Variants in ZNF606 observed in about 807,000 individuals in gnomAD.
ZNF606 encodes zinc finger protein 606, also known as zinc finger protein 328.
Under a neutral mutation model 74.9 loss-of-function variants are expected in ZNF606, and 37 were observed. The observed-to-expected ratio is 0.49, with a 90% CI of 0.38 to 0.65. The LOEUF is 0.65. Among genes scored for constraint, ZNF606 ranks in the 30% least tolerant of loss-of-function variants. ZNF606 has a pLI of 0.00. For synonymous variants in ZNF606, 328 were observed against 312.4 expected (o/e 1.05, Z -0.53); for missense variants, 852 against 952.9 (o/e 0.89, Z 1.39).
rs535512870 is a variant in ZNF606, at chr19:58,002,711, C to G, written c.-367G>C. On this transcript the variant is annotated 5_prime_UTR_variant, in exon 1 of 7. Coordinates refer to ENST00000551380, the MANE Select transcript of ZNF606 (RefSeq NM_001348022.3). ...AGGACCCACCCTGACGCCGCCTCTC[C>G]CAGCCGGCTCTCCTGACCCCCCAAG... 2.2e-6 allele frequency: 1 copy of G among 451,078 alleles called. No individual in the cohort carries two copies. Among genetic ancestry groups the G allele is most frequent in the South Asian group, 1.6e-5 (1 of 64,432 alleles). 27.9% of individuals were successfully genotyped at this position (451,078 alleles called of 1,614,324 possible).
Position 58,002,439 on chromosome 19 carries a change from A to C in ZNF606, c.-95T>G, listed in dbSNP as rs4801243. 94,542 of 455,460 alleles carry C rather than the reference A, an allele frequency of 0.21. 10,401 individuals are homozygous for C. Among genetic ancestry groups the C allele is most frequent in the Non-Finnish European group, 0.23 (52,092 of 226,308 alleles). 28.2% of individuals were successfully genotyped at this position (455,460 alleles called of 1,614,324 possible). A position where few individuals can be genotyped will look rare whatever the true frequency, so the allele number is the denominator to read the frequency against. On this transcript the variant is annotated 5_prime_UTR_variant, in exon 1 of 7. Transcript: ENST00000551380. ...TCCCCCTTGAAGGCGGCGCAGCAGG[A>C]TCGGGGTCTGCCCGCCTGGGGCGTT...
At chr19:57,996,914 A>G (rs58801314) in intron 4 of ZNF606, among the ~76,000 whole-genome samples, 6,332 of 152,294 alleles carry the variant, frequency 0.042, 438 homozygotes, top group African/African-American at 0.14. Flanking sequence ...CACTTCATGG[A>G]ATCTGCTAAC....
intron 4 of ZNF606, among the ~76,000 whole-genome samples, chr19:57,991,564 G>A (rs564959838): frequency 6.6e-6 from 1 of 152,218 alleles, no homozygotes; most frequent in Non-Finnish European, 1.5e-5. Flanking sequence ...AACACTTTGG[G>A]AGGTCAGGAG....
At position 57,978,279 on chromosome 19, in the gene ZNF606, G is replaced by GA. The variant is rs769120687; in HGVS notation, c.*21dup. 9 of 1,534,166 alleles carry GA rather than the reference G, an allele frequency of 5.9e-6. No individual in the cohort carries two copies. Among genetic ancestry groups the GA allele is most frequent in the Non-Finnish European group, 7.9e-6 (9 of 1,141,784 alleles). ...CCTCAATGTGTTGTCAAATGTACAAGAAACGAAAAACTCGCATAAATTCAA... is the reference window on the plus strand; with the variant it reads ...CCTCAATGTGTTGTCAAATGTACAAGAAAACGAAAAACTCGCATAAATTCAA... On this transcript the variant is annotated 3_prime_UTR_variant, in exon 7 of 7. Transcript: ENST00000551380. This position sits in a 1 kb window ranked among gnomAD's most constrained non-coding sequence, Gnocchi z 4.4.
In ZNF606 at chr19:57,988,487, G is replaced by A. The variant is rs148717780; in HGVS notation, c.304+108C>T. On this transcript the variant is annotated intron_variant, in intron 5 of 6. Coordinates refer to ENST00000551380, the MANE Select transcript of ZNF606 (RefSeq NM_001348022.3). ...AACCTCAGGGCCCAAGATCATCTCA[G>A]CTCTTCTGAGACACCACCCTCGCCC... The A allele has an allele frequency of 8.7e-6, 13 of 1,502,032 alleles. No homozygotes were observed. In the East Asian group the frequency reaches 2.7e-4, roughly 31 times the overall value. 93.0% of individuals were successfully genotyped at this position (1,502,032 alleles called of 1,614,324 possible). A position where few individuals can be genotyped will look rare whatever the true frequency, so the allele number is the denominator to read the frequency against.
At position 57,978,885 on chromosome 19, in the gene ZNF606, G is replaced by C. The variant is rs751219065; in HGVS notation, c.1795C>G (p.Gln599Glu). Reference protein sequence around the residue: ...THTGEKPYNCQECGKAFRERS... With the variant: ...THTGEKPYNCEECGKAFRERS... ...TCTCTGAATGCTTTGCCACATTCCTGACAGTTATATGGTTTCTCTCCCGTG... is the reference window on the plus strand; with the variant it reads ...TCTCTGAATGCTTTGCCACATTCCTCACAGTTATATGGTTTCTCTCCCGTG... Residue 599 changes from glutamine (Q) to glutamate (E), a missense_variant, in exon 7 of 7, where the codon CAG becomes GAG. Around this residue, in one of 3 missense-constraint regions of ZNF606, gnomAD observed 243 missense variants for 359.2 expected, o/e 0.68. Coordinates refer to ENST00000551380, the MANE Select transcript of ZNF606 (RefSeq NM_001348022.3). The surrounding 1 kb of genome is among the most constrained non-coding windows in gnomAD (Gnocchi z 4.4). The C allele has an allele frequency of 1.2e-6, 2 of 1,613,974 alleles. No homozygotes were observed. Among genetic ancestry groups the C allele is most frequent in the Admixed American group, 3.3e-5 (2 of 60,010 alleles).
At chr19:57,983,769 G>A (rs1321069080) in intron 6 of ZNF606, among the ~76,000 whole-genome samples, 1 of 152,148 alleles carries the variant, frequency 6.6e-6, no homozygotes, top group African/African-American at 2.4e-5. Context: ...TAGTCACTCA[G>A]CATGAGCAGA....
chr19:57,988,235 C>T lies in ZNF606; in HGVS notation c.372G>A (p.Glu124=), dbSNP rs763344570. The T allele has an allele frequency of 1.9e-6, 3 of 1,613,976 alleles. No individual in the cohort carries two copies. Among genetic ancestry groups the T allele is most frequent in the Non-Finnish European group, 2.5e-6 (3 of 1,180,018 alleles). The change falls in exon 6 of 7, where the codon GAG becomes GAA. Residue 124 remains glutamate, a synonymous_variant. Coordinates refer to ENST00000551380, the MANE Select transcript of ZNF606 (RefSeq NM_001348022.3). ...GACAAGTGCGTTGAGGACATGCCTG[C>T]TCCACTGACCACGGCTCTTCTCCTT... is the stretch of plus-strand genomic sequence containing the variant. ...LEQGEEPWSV[E]QACPQRTCPE... is the part of the protein sequence containing the mutation.
At position 57,978,271 on chromosome 19, in the gene ZNF606, A is replaced by G. The variant is rs771134942; in HGVS notation, c.*30T>C. 2.0e-6 allele frequency: 3 copies of G among 1,527,688 alleles called. No homozygotes were observed. The East Asian group carries it at 6.8e-5, about 35-fold the overall frequency. 94.6% of individuals were successfully genotyped at this position (1,527,688 alleles called of 1,614,324 possible). ...AGGGTTTTCCTCAATGTGTTGTCAA[A>G]TGTACAAGAAACGAAAAACTCGCAT... is the stretch of plus-strand genomic sequence containing the variant. On this transcript the variant is annotated 3_prime_UTR_variant, in exon 7 of 7. Transcript: ENST00000551380. This position sits in a 1 kb window ranked among gnomAD's most constrained non-coding sequence, Gnocchi z 4.4.
intron 1 of ZNF606, chr19:58,001,958 T>C (rs2073437602): frequency 5.7e-6 from 2 of 350,876 alleles, no homozygotes; most frequent in South Asian, 4.3e-5. Context: ...GTGGAGGACT[T>C]AGAGATGGGC....
At position 57,979,361 on chromosome 19, in the gene ZNF606, C is replaced by T. The variant is rs542762167; in HGVS notation, c.1319G>A (p.Arg440His). Residue 440 changes from arginine (R) to histidine (H), a missense_variant, in exon 7 of 7, where the codon CGC becomes CAC. Arg to His is a conservative substitution (Grantham distance 29). Transcript: ENST00000551380. ...CDKCGKVFRN[R>H]SALTKHERTH... ...CCGTTCATGTTTCGTAAGGGCTGAG[C>T]GATTCCTAAAAACTTTTCCACATTT... 35 of 1,612,840 alleles carry T rather than the reference C, an allele frequency of 2.2e-5. No individual in the cohort carries two copies. The South Asian group carries it at 2.3e-4, about 11-fold the overall frequency.
intron 4 of ZNF606, among the ~76,000 whole-genome samples, chr19:57,993,873 G>C (rs1321873510): frequency 3.9e-5 from 6 of 152,190 alleles, no homozygotes; most frequent in Non-Finnish European, 1.5e-5. Context: ...GCACAGAGCG[G>C]AGTGGAAGGC....
chr19:57,985,586 T>C (rs192661146), intron 6 of ZNF606, among the ~76,000 whole-genome samples: 4 of 152,194 alleles, frequency 2.6e-5, no homozygotes, highest in South Asian at 4.2e-4. Flanking sequence ...GAGATGTCTA[T>C]AGGGACTCTG....
rs150962952 is a variant in ZNF606, at chr19:57,994,119, G to C, written c.178-5398C>G. Among the ~76,000 whole-genome samples the C allele has an allele frequency of 2.5e-3, 375 of 152,308 alleles. 4 individuals carry two copies. The highest frequency in any genetic ancestry group is 3.5e-3 in the Non-Finnish European group (235 of 68,032). The stretch of plus-strand genomic sequence containing the variant: ...AGATTCTCAGACCAGAGTGATTTCA[G>C]TATAAAGTGGGACAGGATGCTACAA... On this transcript the variant is annotated intron_variant, in intron 4 of 6. Transcript: ENST00000551380.
chr19:58,002,161 C>G (rs976081409), intron 1 of ZNF606: 5 of 456,588 alleles, frequency 1.1e-5, no homozygotes, highest in Non-Finnish European at 2.2e-5. Context: ...TGACCGCCGC[C>G]GTCACTGCAT....
At chr19:57,990,588 G>A (rs553175804) in intron 4 of ZNF606, among the ~76,000 whole-genome samples, 16 of 146,654 alleles carry the variant, frequency 1.1e-4, no homozygotes, top group South Asian at 8.7e-4. Flanking sequence ...CCGCTCAACA[G>A]ACACGTGTGC....
In ZNF606 at chr19:57,978,800, T is replaced by C; in HGVS notation, c.1880A>G (p.Asn627Ser). 6.2e-7 allele frequency: 1 copy of C among 1,614,208 alleles called. No individual in the cohort carries two copies. The highest frequency in any genetic ancestry group is 8.5e-7 in the Non-Finnish European group (1 of 1,180,034). ...IHSGIKPYEC[N>S]KCGKSCSQMA... ...CTGGCTACAGGATTTTCCACATTTA[T>C]TACATTCATAGGGCTTAATTCCAGA... The change falls in exon 7 of 7, where the codon AAT becomes AGT. Residue 627 changes from asparagine (N) to serine (S), a missense_variant. Physicochemically the swap from Asn to Ser is conservative, Grantham distance 46 (BLOSUM62 1). This residue lies in a region of ZNF606 where 243 missense variants were observed against 359.2 expected (regional missense o/e 0.68). Coordinates refer to ENST00000551380, the MANE Select transcript of ZNF606 (RefSeq NM_001348022.3). The surrounding 1 kb of genome is among the most constrained non-coding windows in gnomAD (Gnocchi z 4.4).
chr19:57,984,051 G>C (rs780364475), intron 6 of ZNF606, among the ~76,000 whole-genome samples: 8 of 152,188 alleles, frequency 5.3e-5, no homozygotes, highest in Non-Finnish European at 1.0e-4. Context: ...AATTTTACGA[G>C]AAAGGGGCCG....
chr19:57,979,117 G>A lies in ZNF606; in HGVS notation c.1563C>T (p.Phe521=), dbSNP rs1481570355. The A allele has an allele frequency of 5.0e-6, 8 of 1,613,990 alleles. No individual in the cohort carries two copies. The highest frequency in any genetic ancestry group is 6.8e-6 in the Non-Finnish European group (8 of 1,180,042). ...PFECTECGKS[F]SWSSHLIAHM... ...GGGCAATAAGATGGGAGCTCCAGCTGAATGATTTCCCACATTCAGTACATT... is the reference window on the plus strand; with the variant it reads ...GGGCAATAAGATGGGAGCTCCAGCTAAATGATTTCCCACATTCAGTACATT... Residue 521 remains phenylalanine, a synonymous_variant, in exon 7 of 7, where the codon TTC becomes TTT. Transcript: ENST00000551380.
Sources: allele counts gnomAD v4.1 joint callset (sites outside exome capture counted in the v4.1 genomes callset), GRCh38; gene constraint gnomAD v4.1.1; regional missense constraint gnomAD v4.1.1; non-coding constraint Gnocchi (gnomAD v3.1); transcripts MANE v1.5; gene names NCBI Gene and HGNC (gene_info 2026-07-23, HGNC 2026-07-21).